ZNF638: variants seen among roughly 807,000 people sequenced by gnomAD.
The protein encoded by ZNF638 is zinc finger protein 638, also known as CTCL tumor antigen se33-1.
In ZNF638, 46 loss-of-function variants were observed where a neutral mutation model predicts 195.6. The observed-to-expected ratio is 0.24, with a 90% CI of 0.19 to 0.30. The LOEUF (loss-of-function observed/expected upper bound fraction) is 0.30. Ranked by LOEUF, ZNF638 falls within the 10% of genes least tolerant of loss-of-function variation. The pLI, the probability that ZNF638 is intolerant of heterozygous loss-of-function variation, is 1.00. For missense variants in ZNF638, 2,440 were observed against 2,325.3 expected, an observed-to-expected ratio of 1.05 and a Z score of -1.01; for synonymous variants, 845 against 772.0, an observed-to-expected ratio of 1.09 and a Z score of -1.57.
At chr2:71,410,380 G>T (rs76425929) in intron 20 of ZNF638, among the ~76,000 whole-genome samples, 6,937 of 150,422 alleles carry the variant, frequency 0.046, 490 homozygotes, top group East Asian at 0.38. Context: ...TTTTTTTTTT[G>T]TGTGTGTGTG....
At chr2:71,395,620 A>G in intron 10 of ZNF638, 2 of 562,842 alleles carry the variant, frequency 3.6e-6, no homozygotes, top group South Asian at 1.5e-5. Flanking sequence ...ACAATTACCT[A>G]CAGATTGTGT....
intron 8 of ZNF638, among the ~76,000 whole-genome samples, chr2:71,373,730 T>C (rs2079363902): frequency 6.6e-6 from 1 of 152,010 alleles, no homozygotes; most frequent in African/African-American, 2.4e-5. Flanking sequence ...GTTTGATGTT[T>C]TTATGTACTC....
In ZNF638 at chr2:71,389,213, A is replaced by G. The variant is rs149222228; in HGVS notation, c.2378-6928A>G. On this transcript the variant is annotated intron_variant, in intron 10 of 27. Coordinates refer to ENST00000264447, the MANE Select transcript of ZNF638 (RefSeq NM_014497.5). Reference sequence around the variant, plus strand: ...AGCCCCCTCCCCCAATAAATTGGAAAAAAGACAAGGGATACACTACAGCTG... The same window carrying G: ...AGCCCCCTCCCCCAATAAATTGGAAGAAAGACAAGGGATACACTACAGCTG... Among the ~76,000 whole-genome samples, 792 of 152,282 alleles carry G rather than the reference A, an allele frequency of 5.2e-3. 12 individuals are homozygous for G. The highest frequency in any genetic ancestry group is 0.018 in the African/African-American group (750 of 41,560).
Position 71,398,694 on chromosome 2 carries a change from G to A in ZNF638, c.2429-7G>A, listed in dbSNP as rs2079944614. On this transcript the variant is annotated splice_polypyrimidine_tract_variant and splice_region_variant and intron_variant, in intron 11 of 27. Coordinates refer to ENST00000264447, the MANE Select transcript of ZNF638 (RefSeq NM_014497.5). Reference sequence around the variant, plus strand: ...AACCAGTTTTGACTGCATCTTTTGTGATTTAGGGAAATCAGCAAGTTCTGT... The same window carrying A: ...AACCAGTTTTGACTGCATCTTTTGTAATTTAGGGAAATCAGCAAGTTCTGT... 6.2e-7 allele frequency: 1 copy of A among 1,612,752 alleles called. No homozygotes were observed. The highest frequency in any genetic ancestry group is 8.5e-7 in the Non-Finnish European group (1 of 1,179,156).
intron 10 of ZNF638, among the ~76,000 whole-genome samples, chr2:71,388,058 A>G (rs1358492053): frequency 6.6e-6 from 1 of 152,176 alleles, no homozygotes; most frequent in Non-Finnish European, 1.5e-5. Context: ...TCCATTTCAC[A>G]TTGGGAAGGT....
rs1050819213 is a variant in ZNF638 at position 71,396,045 on chromosome 2, A to G, written c.2378-96A>G. The G allele has an allele frequency of 4.7e-5, 53 of 1,121,136 alleles. 1 individual carries two copies. The Middle Eastern group carries it at 1.4e-3, about 29-fold the overall frequency. The allele number at this position is 1,121,136 out of a possible 1,614,324, so 69.4% of individuals were successfully genotyped here. On this transcript the variant is annotated intron_variant, in intron 10 of 27. Transcript: ENST00000264447. ...AGATGAGTATAGGGCTGTTTCTTGCAGGGTTCTTTCGAAATTATTGCTAGG... is the reference window on the plus strand; with the variant it reads ...AGATGAGTATAGGGCTGTTTCTTGCGGGGTTCTTTCGAAATTATTGCTAGG...
rs960807426 is a variant in ZNF638, at chr2:71,336,948, G to A, written c.-203+5073G>A. On this transcript the variant is annotated intron_variant, in intron 1 of 27. Transcript: ENST00000264447. Reference sequence around the variant, plus strand: ...TCACTGGCACCCCTCCTAGCAGGGTGGGTATCTTCAGATCAGTGGAAATTT... The same window carrying A: ...TCACTGGCACCCCTCCTAGCAGGGTAGGTATCTTCAGATCAGTGGAAATTT... Among the ~76,000 whole-genome samples the A allele has an allele frequency of 3.3e-5, 5 of 152,270 alleles. No homozygotes were observed. In the South Asian group the frequency reaches 1.0e-3, roughly 32 times the overall value.
Position 71,378,481 on chromosome 2 carries a change from A to G in ZNF638, c.2266-1741A>G, listed in dbSNP as rs138274080. Among the ~76,000 whole-genome samples, 311 of 152,352 alleles carry G rather than the reference A, an allele frequency of 2.0e-3. 2 individuals carry two copies. Among genetic ancestry groups the G allele is most frequent in the Admixed American group, 2.5e-3 (38 of 15,312 alleles). Reference sequence around the variant, plus strand: ...AACAGTTATGATGAAATTCAGATCAATTAACAAATACTTGCTGAATGTTTA... The same window carrying G: ...AACAGTTATGATGAAATTCAGATCAGTTAACAAATACTTGCTGAATGTTTA... On this transcript the variant is annotated intron_variant, in intron 8 of 27. Coordinates refer to ENST00000264447, the MANE Select transcript of ZNF638 (RefSeq NM_014497.5).
chr2:71,388,278 G>C (rs778061938), intron 10 of ZNF638: 44 of 382,554 alleles, frequency 1.2e-4, no homozygotes, highest in Non-Finnish European at 2.1e-4. Context: ...AATTTATCTA[G>C]ATAAGTTTAT....
intron 10 of ZNF638, among the ~76,000 whole-genome samples, chr2:71,390,588 A>G (rs773263942): frequency 6.6e-6 from 1 of 152,194 alleles, no homozygotes; most frequent in East Asian, 1.9e-4. Flanking sequence ...TGGGTCCCCA[A>G]TGCCCAGGGA....
chr2:71,418,715 TGGCTC>T, intron 21 of ZNF638, 76 bp downstream of exon 21: 3 of 1,028,690 alleles, frequency 2.9e-6, no homozygotes, highest in Non-Finnish European at 4.2e-6. Flanking sequence ...TTTATAGTAA[TGGCTC>T]ACATGTAGTG....
chr2:71,375,690 G>GGC (rs1459201534), intron 8 of ZNF638: 1 of 152,110 alleles, frequency 6.6e-6, no homozygotes, highest in Non-Finnish European at 1.5e-5. Context: ...TTTGAACCAG[G>GGC]GCATGACATA....
At chr2:71,399,962 T>C in intron 13 of ZNF638, 150 bp from the exon 14 acceptor site, 1 of 598,700 alleles carries the variant, frequency 1.7e-6, no homozygotes, top group East Asian at 3.1e-5. Flanking sequence ...GGGATTGCTG[T>C]CTTTTGTTTT....
rs1385220125 is a variant in ZNF638, at chr2:71,428,650, A to AG, written c.5650+1dup. 2 of 1,612,210 alleles carry AG rather than the reference A, an allele frequency of 1.2e-6. No individual in the cohort carries two copies. Among genetic ancestry groups the AG allele is most frequent in the Non-Finnish European group, 1.7e-6 (2 of 1,178,884 alleles). On this transcript the variant is annotated frameshift_variant and splice_region_variant, in exon 25 of 28. Transcript: ENST00000264447. LOFTEE classifies it high-confidence loss of function. ...GTGAAGAGGCCTTCCAGATGAGTGA[A>AG]GGTAAAGCAGGATTGTTGGAATGGG...
intron 17 of ZNF638, among the ~76,000 whole-genome samples, chr2:71,404,714 C>G (rs555380628): frequency 2.0e-5 from 3 of 152,146 alleles, no homozygotes; most frequent in Admixed American, 6.5e-5. Context: ...GAGACCTAGT[C>G]TCTAAAACAA....
chr2:71,349,532 G>T lies in ZNF638; in HGVS notation c.578G>T (p.Ser193Ile). 1 of 1,614,136 alleles carries T rather than the reference G, an allele frequency of 6.2e-7. No individual in the cohort carries two copies. Among genetic ancestry groups the T allele is most frequent in the Non-Finnish European group, 8.5e-7 (1 of 1,180,028 alleles). ...GRRLPNLPSQ[S>I]RNKETLGSEA... Reference sequence around the variant, plus strand: ...CGATTACCTAATTTACCTTCTCAGAGCAGAAATAAAGAAACACTTGGTAGT... The same window carrying T: ...CGATTACCTAATTTACCTTCTCAGATCAGAAATAAAGAAACACTTGGTAGT... The change falls in exon 2 of 28, where the codon AGC (serine) becomes ATC (isoleucine). Residue 193 changes from serine to isoleucine, a missense_variant. Around this residue, in one of 5 missense-constraint regions of ZNF638, gnomAD observed 305 missense variants for 283.6 expected, o/e 1.08. Coordinates refer to ENST00000264447, the MANE Select transcript of ZNF638 (RefSeq NM_014497.5).
At position 71,427,426 on chromosome 2, in the gene ZNF638, G is replaced by A; in HGVS notation, c.5545+12G>A. 6.6e-7 allele frequency: 1 copy of A among 1,518,764 alleles called. No individual in the cohort carries two copies. The allele number at this position is 1,518,764 out of a possible 1,614,324, so 94.1% of individuals were successfully genotyped here. A position where few individuals can be genotyped will look rare whatever the true frequency, so the allele number is the denominator to read the frequency against. ...AAGACACTTAACAGGTAGATACTTG[G>A]AAGGGGTAGTCTTTCTGTTTTATGA... is the stretch of plus-strand genomic sequence containing the variant. On this transcript the variant is annotated intron_variant, in intron 24 of 27. Transcript: ENST00000264447.
At chr2:71,364,505 A>G (rs923041524) in intron 5 of ZNF638, among the ~76,000 whole-genome samples, 2 of 152,200 alleles carry the variant, frequency 1.3e-5, no homozygotes, top group Non-Finnish European at 2.9e-5. Context: ...ATAATTGATT[A>G]TAGAATTCCA....
Position 71,348,930 on chromosome 2 carries a change from A to T in ZNF638, c.-25A>T. 1 of 1,614,166 alleles carries T rather than the reference A, an allele frequency of 6.2e-7. No individual in the cohort carries two copies. ...GTTCAACACCACCTTATACTTTATT[A>T]AATCAGGCTTTCTTGAAAATAGCCA... On this transcript the variant is annotated 5_prime_UTR_variant, in exon 2 of 28. An upstream open reading frame in the 5' UTR loses its in-frame stop. Coordinates refer to ENST00000264447, the MANE Select transcript of ZNF638 (RefSeq NM_014497.5).
Sources: allele counts gnomAD v4.1 joint callset (sites outside exome capture counted in the v4.1 genomes callset), GRCh38; gene constraint gnomAD v4.1.1; regional missense constraint gnomAD v4.1.1; transcripts MANE v1.5; gene names NCBI Gene and HGNC (gene_info 2026-07-23, HGNC 2026-07-21).